Variants in RPRD2 observed in about 807,000 individuals in gnomAD.
RPRD2 encodes regulation of nuclear pre-mRNA domain-containing protein 2.
In RPRD2, 12 loss-of-function variants were observed where a neutral mutation model predicts 104.4. The observed-to-expected ratio is 0.11, with a 90% CI of 0.07 to 0.19. The LOEUF (loss-of-function observed/expected upper bound fraction) is 0.19, where lower values mean the gene tolerates loss of function less well. Ranked by LOEUF, RPRD2 falls within the 10% of genes least tolerant of loss-of-function variation. The probability of loss-of-function intolerance (pLI) is 1.00; values close to 1 mark genes in which losing one functional copy is unlikely to be tolerated. For missense variants in RPRD2, 1,543 were observed against 1,790.1 expected (o/e 0.86, Z 2.49); for synonymous variants, 714 against 684.9 (o/e 1.04, Z -0.66).
At chr1:150,449,309 G>A (rs1292799912) in intron 7 of RPRD2, among the ~76,000 whole-genome samples, 2 of 151,982 alleles carry the variant, frequency 1.3e-5, no homozygotes, top group African/African-American at 4.8e-5. Flanking sequence ...GCATATAGTT[G>A]GATCTTGTTT....
intron 1 of RPRD2, among the ~76,000 whole-genome samples, chr1:150,388,024 C>T (rs1661730353): frequency 6.7e-6 from 1 of 150,192 alleles, no homozygotes; most frequent in Admixed American, 6.7e-5. Flanking sequence ...TTCAGCCATC[C>T]TACCACCTCA....
At chr1:150,384,678 TG>T (rs1661427574) in intron 1 of RPRD2, among the ~76,000 whole-genome samples, 1 of 135,314 alleles carries the variant, frequency 7.4e-6, no homozygotes, top group Non-Finnish European at 1.6e-5. Flanking sequence ...TGTGTGTGTG[TG>T]TGTTTTTAGT....
chr1:150,430,887 G>A (rs1175497313), intron 2 of RPRD2, among the ~76,000 whole-genome samples: 3 of 151,344 alleles, frequency 2.0e-5, no homozygotes, highest in Admixed American at 1.3e-4. Context: ...AGATCGCGCC[G>A]TTGCACTCCA....
intron 2 of RPRD2, among the ~76,000 whole-genome samples, chr1:150,434,652 C>G (rs1273247371): frequency 6.6e-6 from 1 of 151,888 alleles, no homozygotes; most frequent in Non-Finnish European, 1.5e-5. Context: ...CCTGTCTCTA[C>G]CAAAAATACA....
intron 10 of RPRD2, among the ~76,000 whole-genome samples, chr1:150,468,735 G>C (rs1668435133): frequency 6.6e-6 from 1 of 152,054 alleles, no homozygotes; most frequent in Admixed American, 6.6e-5. Flanking sequence ...AAGTTAGCTG[G>C]GCATAGTGAT....
Position 150,464,848 on chromosome 1 carries a change from T to C in RPRD2, c.1612+121T>C. On this transcript the variant is annotated intron_variant, in intron 10 of 10. Coordinates refer to ENST00000369068, the MANE Select transcript of RPRD2 (RefSeq NM_015203.5). Reference sequence around the variant, plus strand: ...AATGTATAACACAGTTAATTCATTATTCTTTTTATTTATTTATTTATTTAT... The same window carrying C: ...AATGTATAACACAGTTAATTCATTACTCTTTTTATTTATTTATTTATTTAT... 4 of 485,308 alleles carry C rather than the reference T, an allele frequency of 8.2e-6. No homozygotes were observed. In the Admixed American group the frequency reaches 1.3e-4, roughly 16 times the overall value. The allele number at this position is 485,308 out of a possible 1,614,324, so 30.1% of individuals were successfully genotyped here. A position where few individuals can be genotyped will look rare whatever the true frequency, so the allele number is the denominator to read the frequency against.
chr1:150,398,062 A>G (rs1430790588), intron 1 of RPRD2, among the ~76,000 whole-genome samples: 3 of 151,882 alleles, frequency 2.0e-5, no homozygotes, highest in Admixed American at 2.0e-4. Context: ...ATCTTGTCTC[A>G]CAGCAACCTC....
Position 150,473,446 on chromosome 1 carries a change from T to C in RPRD2, c.*112T>C. On this transcript the variant is annotated 3_prime_UTR_variant, in exon 11 of 11. Coordinates refer to ENST00000369068, the MANE Select transcript of RPRD2 (RefSeq NM_015203.5). ...CTCTTTCTCGATTTTTTTTTTATTA[T>C]AACAAAGGGCCTCTCTTCCAAAGTA... 9.8e-7 allele frequency: 1 copy of C among 1,024,420 alleles called. No homozygotes were observed. Among genetic ancestry groups the C allele is most frequent in the Non-Finnish European group, 1.4e-6 (1 of 720,862 alleles). The allele number at this position is 1,024,420 out of a possible 1,614,324, so 63.5% of individuals were successfully genotyped here. A position where few individuals can be genotyped will look rare whatever the true frequency, so the allele number is the denominator to read the frequency against.
At chr1:150,448,951 T>C (rs1666978912) in intron 7 of RPRD2, among the ~76,000 whole-genome samples, 1 of 152,062 alleles carries the variant, frequency 6.6e-6, no homozygotes, top group South Asian at 2.1e-4. Flanking sequence ...GAGAGGGAAA[T>C]TTTGTCTGAC....
intron 2 of RPRD2, among the ~76,000 whole-genome samples, chr1:150,432,734 T>C (rs1330799734): frequency 4.6e-5 from 7 of 150,760 alleles, no homozygotes; most frequent in Non-Finnish European, 1.5e-5. Flanking sequence ...TCCTGACAAG[T>C]TGGGAGGCTG....
chr1:150,452,114 C>T (rs1667219417), intron 7 of RPRD2, among the ~76,000 whole-genome samples: 1 of 148,570 alleles, frequency 6.7e-6, no homozygotes, highest in Admixed American at 6.8e-5. Context: ...TGCACTCCAG[C>T]CTGGGCAAGA....
At chr1:150,447,387 T>C (rs899962488) in intron 7 of RPRD2, among the ~76,000 whole-genome samples, 4 of 148,940 alleles carry the variant, frequency 2.7e-5, no homozygotes, top group African/African-American at 9.9e-5. Context: ...TAGGCTGGAG[T>C]GTAATGGCGT....
chr1:150,470,344 T>C (rs1428928043), intron 10 of RPRD2, among the ~76,000 whole-genome samples: 2 of 152,178 alleles, frequency 1.3e-5, no homozygotes, highest in African/African-American at 4.8e-5. Context: ...TGGACTGTAC[T>C]GGAAACATTT....
intron 10 of RPRD2, among the ~76,000 whole-genome samples, chr1:150,465,325 C>T (rs976350571): frequency 3.9e-5 from 6 of 152,030 alleles, no homozygotes; most frequent in African/African-American, 7.3e-5. Flanking sequence ...GCTATGTTGG[C>T]CAGGCTGGTC....
chr1:150,439,198 CA>C (rs1459277276), intron 2 of RPRD2, among the ~76,000 whole-genome samples: 1 of 152,118 alleles, frequency 6.6e-6, no homozygotes, highest in Non-Finnish European at 1.5e-5. Flanking sequence ...TCACTTTCAC[CA>C]AATGGAGATT....
At chr1:150,465,925 GAC>G (rs1206053391) in intron 10 of RPRD2, among the ~76,000 whole-genome samples, 1 of 145,818 alleles carries the variant, frequency 6.9e-6, no homozygotes, top group Non-Finnish European at 1.5e-5. Context: ...CAGGTGTGGT[GAC>G]ACACACCTGT....
chr1:150,441,848 A>C (rs1560205789), intron 3 of RPRD2, 33 bp from the exon 4 acceptor site: 1 of 1,552,994 alleles, frequency 6.4e-7, no homozygotes, highest in South Asian at 1.1e-5. Flanking sequence ...GCTTCCCATA[A>C]TGCCAGATTG....
At chr1:150,433,439 A>ATTTTTTTTTT (rs58544799) in intron 2 of RPRD2, among the ~76,000 whole-genome samples, 5 of 90,396 alleles carry the variant, frequency 5.5e-5, no homozygotes, top group Non-Finnish European at 1.0e-4. Context: ...CACAGACATA[A>ATTTTTTTTTT]TTTTTTTTTT....
chr1:150,410,331 T>C (rs1016760600), intron 1 of RPRD2, among the ~76,000 whole-genome samples: 1 of 152,128 alleles, frequency 6.6e-6, no homozygotes, highest in Admixed American at 6.6e-5. Flanking sequence ...AGGATCACCC[T>C]CTCTTCTGAG....
Sources: gnomAD v4.1 joint callset for allele counts (sites outside exome capture counted in the v4.1 genomes callset) on GRCh38, gnomAD v4.1.1 for gene constraint, MANE v1.5 for transcripts, NCBI Gene and HGNC (gene_info 2026-07-23, HGNC 2026-07-21) for gene names.